The following WWOX variants were observed in gnomAD, a reference collection of about 807,000 sequenced individuals.
WWOX encodes WW domain-containing oxidoreductase.
WWOX carries 69 observed loss-of-function variants against 46.2 expected under a neutral mutation model. That is an observed-to-expected ratio of 1.49 (90% CI 1.23 to 1.82). The LOEUF is 1.82. Ranked by LOEUF, WWOX falls within the 40% of genes most tolerant of loss-of-function variation. The pLI is 0.00. For missense variants in WWOX, 919 were observed against 542.6 expected (o/e 1.69, Z -6.89); for synonymous variants, 359 against 202.6 (o/e 1.77, Z -6.56).
intron 8 of WWOX, among the ~76,000 whole-genome samples, chr16:78,777,014 A>G (rs2142540062): frequency 6.6e-6 from 1 of 152,208 alleles, no homozygotes; most frequent in East Asian, 1.9e-4. Flanking sequence ...GTTTTTACAG[A>G]GTATATGTGT....
intron 8 of WWOX, among the ~76,000 whole-genome samples, chr16:79,026,140 C>G (rs949465604): frequency 2.0e-5 from 3 of 151,600 alleles, no homozygotes; most frequent in African/African-American, 4.9e-5. Context: ...ATCATGTTAA[C>G]CTTCCACTCG....
At chr16:79,053,382 A>T (rs2048205753) in intron 8 of WWOX, among the ~76,000 whole-genome samples, 1 of 152,184 alleles carries the variant, frequency 6.6e-6, no homozygotes, top group Admixed American at 6.5e-5. Context: ...CACGTAAAGA[A>T]ACAATCCTGG....
chr16:78,849,871 G>A (rs1257513918), intron 8 of WWOX, among the ~76,000 whole-genome samples: 1 of 152,068 alleles, frequency 6.6e-6, no homozygotes, highest in East Asian at 1.9e-4. Flanking sequence ...TTGGGAGTTC[G>A]CGACCAGCCT....
At chr16:78,322,163 G>T (rs1336275085) in intron 5 of WWOX, among the ~76,000 whole-genome samples, 1 of 152,018 alleles carries the variant, frequency 6.6e-6, no homozygotes, top group Non-Finnish European at 1.5e-5. Flanking sequence ...ATGGTTGGTG[G>T]GGGGAAGACA....
chr16:79,042,595 G>T lies in WWOX; in HGVS notation c.1057-169013G>T, dbSNP rs545830611. Among the ~76,000 whole-genome samples the T allele has an allele frequency of 4.3e-4, 65 of 152,236 alleles. 1 individual carries two copies. The highest frequency in any genetic ancestry group is 1.5e-3 in the African/African-American group (63 of 41,536). On this transcript the variant is annotated intron_variant, in intron 8 of 8. Transcript: ENST00000566780. Reference sequence around the variant, plus strand: ...GGGTTATAATGCAGCATGGAAATTTGGAGCAAATTAACTATACATGCAAGC... The same window carrying T: ...GGGTTATAATGCAGCATGGAAATTTTGAGCAAATTAACTATACATGCAAGC...
At chr16:78,731,296 C>G (rs903758721) in intron 8 of WWOX, among the ~76,000 whole-genome samples, 1 of 152,152 alleles carries the variant, frequency 6.6e-6, no homozygotes, top group Non-Finnish European at 1.5e-5. Flanking sequence ...CAGAGGCACG[C>G]TCACATGAAG....
At chr16:78,309,945 G>C (rs968057139) in intron 5 of WWOX, among the ~76,000 whole-genome samples, 1 of 152,092 alleles carries the variant, frequency 6.6e-6, no homozygotes, top group Non-Finnish European at 1.5e-5. Context: ...GATTAAATTA[G>C]GTTATATGCG....
intron 8 of WWOX, among the ~76,000 whole-genome samples, chr16:78,979,104 A>G (rs970046415): frequency 1.5e-5 from 2 of 134,458 alleles, no homozygotes; most frequent in Non-Finnish European, 3.1e-5. Context: ...TTTTTTCCCT[A>G]TACAGACACA....
At chr16:78,647,014 T>A (rs1186046435) in intron 8 of WWOX, among the ~76,000 whole-genome samples, 1 of 152,136 alleles carries the variant, frequency 6.6e-6, no homozygotes, top group Non-Finnish European at 1.5e-5. Context: ...ACAGATGTCA[T>A]CAAGAGTCTT....
intron 8 of WWOX, among the ~76,000 whole-genome samples, chr16:79,118,940 G>A (rs1567562118): frequency 6.6e-6 from 1 of 152,152 alleles, no homozygotes; most frequent in Admixed American, 6.5e-5. Context: ...CATTTATATG[G>A]TTTTAAATAC....
At chr16:78,626,652 C>G (rs1403238676) in intron 8 of WWOX, among the ~76,000 whole-genome samples, 1 of 152,192 alleles carries the variant, frequency 6.6e-6, no homozygotes, top group Non-Finnish European at 1.5e-5. Flanking sequence ...ACTTTCCACA[C>G]TGCTGCCTTT....
intron 8 of WWOX, among the ~76,000 whole-genome samples, chr16:78,766,676 T>G (rs1597575206): frequency 6.6e-6 from 1 of 152,292 alleles, no homozygotes; most frequent in East Asian, 1.9e-4. Flanking sequence ...GTTAATCAAG[T>G]TTGTTAGACT....
At chr16:78,567,901 C>T (rs1040992171) in intron 8 of WWOX, among the ~76,000 whole-genome samples, 10 of 152,130 alleles carry the variant, frequency 6.6e-5, no homozygotes, top group Admixed American at 3.3e-4. Flanking sequence ...GAAACAAGCA[C>T]CCTGCTGCCC....
At chr16:78,646,947 T>C (rs1398900800) in intron 8 of WWOX, among the ~76,000 whole-genome samples, 3 of 152,092 alleles carry the variant, frequency 2.0e-5, no homozygotes, top group Admixed American at 2.0e-4. Context: ...GGGGATGCCT[T>C]GTGGAAGTGA....
chr16:78,251,358 G>A (rs985515076), intron 5 of WWOX, among the ~76,000 whole-genome samples: 6 of 152,136 alleles, frequency 3.9e-5, no homozygotes, highest in Admixed American at 1.3e-4. Flanking sequence ...CTCTGGCTTC[G>A]TCATCTTCCC....
chr16:78,123,378 C>G (rs56934720), intron 4 of WWOX: 1 of 143,836 alleles, frequency 7.0e-6, no homozygotes, highest in East Asian at 2.1e-4. Flanking sequence ...ATTAATACCT[C>G]TGTTTAAGGT....
intron 8 of WWOX, among the ~76,000 whole-genome samples, chr16:79,199,282 C>T (rs1011154773): frequency 3.3e-5 from 5 of 152,206 alleles, no homozygotes; most frequent in South Asian, 2.1e-4. Flanking sequence ...AGGCTGGTCT[C>T]GAACTCCTGA....
intron 8 of WWOX, among the ~76,000 whole-genome samples, chr16:78,606,306 A>G (rs982606034): frequency 2.6e-5 from 4 of 152,158 alleles, no homozygotes; most frequent in Non-Finnish European, 5.9e-5. Context: ...ATTTTACATC[A>G]TTTTAAAATT....
At chr16:78,668,673 G>C (rs900723867) in intron 8 of WWOX, among the ~76,000 whole-genome samples, 4 of 152,138 alleles carry the variant, frequency 2.6e-5, no homozygotes, top group Non-Finnish European at 5.9e-5. Context: ...CTTTACCCCT[G>C]AGAAGAGCAG....
Sources: allele counts gnomAD v4.1 joint callset (sites outside exome capture counted in the v4.1 genomes callset), GRCh38; gene constraint gnomAD v4.1.1; transcripts MANE v1.5; gene names NCBI Gene and HGNC (gene_info 2026-07-23, HGNC 2026-07-21).